Variants in RAD50 observed in about 807,000 individuals in gnomAD.
The protein encoded by RAD50 is RAD50 double strand break repair protein, also known as DNA repair protein RAD50.
In RAD50, 132 loss-of-function variants were observed where a neutral mutation model predicts 168.8. That is an observed-to-expected ratio of 0.78 (90% CI 0.68 to 0.90). The LOEUF (loss-of-function observed/expected upper bound fraction) is 0.90, where lower values mean the gene tolerates loss of function less well. Ranked by LOEUF, RAD50 falls within the 40% of genes least tolerant of loss-of-function variation. The pLI is 0.00. For synonymous variants in RAD50, 525 were observed against 497.4 expected, an observed-to-expected ratio of 1.06 and a Z score of -0.74; for missense variants, 1,347 against 1,534.4, an observed-to-expected ratio of 0.88 and a Z score of 2.04.
chr5:132,618,598 G>A (rs1278988517), intron 21 of RAD50, among the ~76,000 whole-genome samples: 3 of 152,130 alleles, frequency 2.0e-5, no homozygotes, highest in South Asian at 2.1e-4. Flanking sequence ...GGCTGGTCTC[G>A]AACTCCTGAC....
Position 132,640,723 on chromosome 5 carries a change from A to T in RAD50, c.3670A>T (p.Asn1224Tyr), listed in dbSNP as rs2149865646. The change falls in exon 24 of 25, where the codon AAC becomes TAC. Residue 1224 changes from asparagine to tyrosine, a missense_variant. Transcript: ENST00000378823. The stretch of plus-strand genomic sequence containing the variant: ...GGCCCTGGCTGAAACGTTCTGCCTC[A>T]ACTGTGGCATCATTGCCTTGGATGA... ...RLALAETFCL[N>Y]CGIIALDEPT... is the part of the protein sequence containing the mutation. 1 of 1,614,204 alleles carries T rather than the reference A, an allele frequency of 6.2e-7. No individual in the cohort carries two copies. Among genetic ancestry groups the T allele is most frequent in the Non-Finnish European group, 8.5e-7 (1 of 1,180,018 alleles).
intron 13 of RAD50, among the ~76,000 whole-genome samples, chr5:132,598,518 C>T (rs1181201044): frequency 6.6e-6 from 1 of 152,174 alleles, no homozygotes; most frequent in Non-Finnish European, 1.5e-5. Context: ...AATAATTTTT[C>T]ATGGTTCTGT....
At chr5:132,570,257 GAT>G (rs1243384574) in intron 2 of RAD50, among the ~76,000 whole-genome samples, 1 of 152,082 alleles carries the variant, frequency 6.6e-6, no homozygotes, top group Non-Finnish European at 1.5e-5. Context: ...AGTTTATACT[GAT>G]ACAAGAAAAT....
In RAD50 at chr5:132,557,215, C is replaced by T. The variant is rs1750014571; in HGVS notation, c.-110C>T. ...TGTGGCCTCGCTCCCCGCCCGGATCCTCCTGACCCTGAGATTCGCGGGTCT... is the reference window on the plus strand; with the variant it reads ...TGTGGCCTCGCTCCCCGCCCGGATCTTCCTGACCCTGAGATTCGCGGGTCT... On this transcript the variant is annotated 5_prime_UTR_variant, in exon 1 of 25. Transcript: ENST00000378823. The T allele has an allele frequency of 6.1e-6, 9 of 1,469,974 alleles. No homozygotes were observed. Among genetic ancestry groups the T allele is most frequent in the African/African-American group, 2.8e-5 (2 of 72,142 alleles). 91.1% of individuals were successfully genotyped at this position (1,469,974 alleles called of 1,614,324 possible).
At chr5:132,615,752 A>G (rs960688450) in intron 19 of RAD50, among the ~76,000 whole-genome samples, 1 of 152,182 alleles carries the variant, frequency 6.6e-6, no homozygotes, top group African/African-American at 2.4e-5. Flanking sequence ...CCTGGTTTTT[A>G]GATTATGGTT....
chr5:132,617,060 A>T (rs558377585), intron 20 of RAD50, among the ~76,000 whole-genome samples: 4 of 152,178 alleles, frequency 2.6e-5, no homozygotes, highest in Admixed American at 6.5e-5. Flanking sequence ...TGTATGCATT[A>T]TGCACACTTA....
intron 10 of RAD50, 146 bp from the exon 11 acceptor site, chr5:132,591,731 T>A (rs926291648): frequency 1.5e-6 from 1 of 667,544 alleles, no homozygotes; most frequent in African/African-American, 1.8e-5. Context: ...TTGAAGACTT[T>A]AAGAACTTTA....
intron 21 of RAD50, among the ~76,000 whole-genome samples, chr5:132,624,774 C>T (rs1020339498): frequency 2.0e-5 from 3 of 151,366 alleles, no homozygotes; most frequent in Non-Finnish European, 2.9e-5. Flanking sequence ...GTAGCACACA[C>T]CTGTAATCCC....
intron 11 of RAD50, 97 bp from the exon 12 acceptor site, chr5:132,594,769 CATG>C (rs1245655518): frequency 1.6e-6 from 2 of 1,235,870 alleles, no homozygotes; most frequent in African/African-American, 3.0e-5. Flanking sequence ...AAACTCTTGT[CATG>C]ATTTGTTGGC....
At chr5:132,620,753 G>A (rs758287913) in intron 21 of RAD50, among the ~76,000 whole-genome samples, 1 of 152,110 alleles carries the variant, frequency 6.6e-6, no homozygotes, top group Admixed American at 6.5e-5. Flanking sequence ...ACTACTAATA[G>A]CCTACTGTTG....
chr5:132,595,282 G>T (rs780414748), intron 12 of RAD50: 5 of 580,578 alleles, frequency 8.6e-6, no homozygotes, highest in Non-Finnish European at 1.5e-5. Context: ...AGGTGTGAAT[G>T]AGATTGTAAT....
At chr5:132,591,037 G>A (rs944955378) in intron 9 of RAD50, among the ~76,000 whole-genome samples, 187 bp from the exon 10 acceptor site, 1 of 152,150 alleles carries the variant, frequency 6.6e-6, no homozygotes, top group African/African-American at 2.4e-5. Flanking sequence ...TTATAACATA[G>A]TAAGGTCACT....
At chr5:132,565,392 C>T (rs1750190523) in intron 2 of RAD50, among the ~76,000 whole-genome samples, 1 of 152,128 alleles carries the variant, frequency 6.6e-6, no homozygotes, top group African/African-American at 2.4e-5. Context: ...CTCATCGTTG[C>T]ATCAGGGCCC....
chr5:132,575,995 T>G (rs1580985227), intron 3 of RAD50, 67 bp downstream of exon 3: 1 of 1,427,532 alleles, frequency 7.0e-7, no homozygotes, highest in East Asian at 2.3e-5. Context: ...AGTTGATGGT[T>G]GTTTTCTACT....
rs1272667882 is a variant in RAD50 at position 132,581,529 on chromosome 5, T to C, written c.756+1463T>C. ...AAAAGATAGTCTTCCATTTCTCATC[T>C]CTAACCTTCCAGAGTATATTTTACC... On this transcript the variant is annotated intron_variant, in intron 5 of 24. Coordinates refer to ENST00000378823, the MANE Select transcript of RAD50 (RefSeq NM_005732.4). 3.9e-5 allele frequency among the ~76,000 whole-genome samples: 6 copies of C among 152,242 alleles called. No individual in the cohort carries two copies. In the East Asian group the frequency reaches 1.2e-3, roughly 29 times the overall value.
Position 132,643,009 on chromosome 5 carries a change from T to C in RAD50, c.*645T>C. 1.9e-6 allele frequency: 1 copy of C among 528,234 alleles called. No individual in the cohort carries two copies. Among genetic ancestry groups the C allele is most frequent in the South Asian group, 1.5e-5 (1 of 64,960 alleles). The allele number at this position is 528,234 out of a possible 1,614,324, so 32.7% of individuals were successfully genotyped here. On this transcript the variant is annotated 3_prime_UTR_variant, in exon 25 of 25. Coordinates refer to ENST00000378823, the MANE Select transcript of RAD50 (RefSeq NM_005732.4). Reference sequence around the variant, plus strand: ...TCTCCTACATATCCCTTCCAGATGGTCATCCAGACTCAGAGCTCTCTCTAC... The same window carrying C: ...TCTCCTACATATCCCTTCCAGATGGCCATCCAGACTCAGAGCTCTCTCTAC...
At chr5:132,581,466 CT>C (rs1439578352) in intron 5 of RAD50, among the ~76,000 whole-genome samples, 1 of 151,986 alleles carries the variant, frequency 6.6e-6, no homozygotes, top group East Asian at 1.9e-4. Flanking sequence ...ATATGTGCCC[CT>C]AGTAAAAAAG....
intron 2 of RAD50, among the ~76,000 whole-genome samples, chr5:132,572,541 G>A (rs932548745): frequency 1.3e-5 from 2 of 152,146 alleles, no homozygotes; most frequent in Non-Finnish European, 2.9e-5. Flanking sequence ...GAATGCTGAA[G>A]TGACCATATT....
intron 17 of RAD50, among the ~76,000 whole-genome samples, 179 bp downstream of exon 17, chr5:132,608,904 A>T (rs1751033694): frequency 6.6e-6 from 1 of 152,226 alleles, no homozygotes; most frequent in Non-Finnish European, 1.5e-5. Flanking sequence ...GATGTAAATT[A>T]TTTTGCTGCT....
Sources: gnomAD v4.1 joint callset for allele counts (sites outside exome capture counted in the v4.1 genomes callset) on GRCh38, gnomAD v4.1.1 for gene constraint, MANE v1.5 for transcripts, NCBI Gene and HGNC (gene_info 2026-07-23, HGNC 2026-07-21) for gene names.